The following ANKFN1 variants were observed in gnomAD, a reference collection of about 807,000 sequenced individuals.
The protein encoded by ANKFN1 is ankyrin repeat and fibronectin type III domain containing 1, also known as ankyrin repeat and fibronectin type-III domain-containing protein 1.
Under a neutral mutation model 108.7 loss-of-function variants are expected in ANKFN1, and 74 were observed. The observed-to-expected ratio is 0.68, with a 90% CI of 0.56 to 0.83. The LOEUF (loss-of-function observed/expected upper bound fraction) is 0.83. ANKFN1 is among the 40% of genes least tolerant of loss of function. ANKFN1 has a pLI of 0.00. For synonymous variants in ANKFN1, 547 were observed against 516.2 expected (o/e 1.06, Z -0.81); for missense variants, 1,505 against 1,382.3 (o/e 1.09, Z -1.41).
intron 1 of ANKFN1, among the ~76,000 whole-genome samples, chr17:56,156,821 C>T (rs1485644856): frequency 3.3e-5 from 5 of 152,318 alleles, no homozygotes; most frequent in Admixed American, 2.0e-4. Flanking sequence ...TATTTGAACA[C>T]AGCCATGCTC....
At chr17:56,047,941 A>G (rs9303381) in intron 4 of ANKFN1, among the ~76,000 whole-genome samples, 112,018 of 152,170 alleles carry the variant, frequency 0.74, 41,240 homozygotes, top group Middle Eastern at 0.84. Flanking sequence ...CTATTAATGC[A>G]TTGCAGAAAC....
At chr17:56,481,082 CAAAA>C (rs11439875) in intron 17 of ANKFN1, among the ~76,000 whole-genome samples, 6 of 65,876 alleles carry the variant, frequency 9.1e-5, no homozygotes, top group Admixed American at 1.9e-4. Flanking sequence ...GTCTGGTCAG[CAAAA>C]AAAAAAAAAA....
At chr17:56,467,810 G>T (rs866013167) in intron 15 of ANKFN1, among the ~76,000 whole-genome samples, 1 of 36,716 alleles carries the variant, frequency 2.7e-5, no homozygotes, top group Non-Finnish European at 5.1e-5. Flanking sequence ...AAGAAAGAAA[G>T]AAAGAAAGAA....
chr17:56,185,321 G>T (rs1314120511), intron 1 of ANKFN1, among the ~76,000 whole-genome samples: 1 of 152,154 alleles, frequency 6.6e-6, no homozygotes, highest in East Asian at 1.9e-4. Flanking sequence ...GAATTTACTG[G>T]CAATTGGAAA....
chr17:56,382,400 G>A (rs971857896), intron 8 of ANKFN1, among the ~76,000 whole-genome samples: 2 of 152,278 alleles, frequency 1.3e-5, no homozygotes, highest in African/African-American at 4.8e-5. Flanking sequence ...GACCATCGAG[G>A]CTAGGAAGAA....
chr17:56,277,412 T>C (rs962462194), intron 3 of ANKFN1, among the ~76,000 whole-genome samples: 1 of 152,122 alleles, frequency 6.6e-6, no homozygotes, highest in Admixed American at 6.6e-5. Flanking sequence ...TACAGAGTTA[T>C]CCTGTAGTAG....
chr17:56,302,625 CA>C (rs976354841), intron 3 of ANKFN1, among the ~76,000 whole-genome samples: 19 of 151,924 alleles, frequency 1.3e-4, no homozygotes, highest in African/African-American at 4.6e-4. Flanking sequence ...GAAACCCATT[CA>C]AACTTAAAGA....
chr17:56,283,000 T>C (rs556366142), intron 3 of ANKFN1, among the ~76,000 whole-genome samples: 2 of 152,314 alleles, frequency 1.3e-5, no homozygotes, highest in East Asian at 1.9e-4. Flanking sequence ...GGTTCAGGGG[T>C]ACATGTGCAG....
chr17:56,222,912 C>A (rs1185384611), intron 2 of ANKFN1, among the ~76,000 whole-genome samples: 1 of 152,162 alleles, frequency 6.6e-6, no homozygotes. Flanking sequence ...GTTCAAAATG[C>A]TTGGTCATTA....
chr17:56,376,448 G>A (rs1299568862), intron 8 of ANKFN1, among the ~76,000 whole-genome samples: 2 of 152,094 alleles, frequency 1.3e-5, no homozygotes, highest in Non-Finnish European at 2.9e-5. Flanking sequence ...CCTTTTCTTG[G>A]TTGTCTCATC....
At chr17:56,125,577 A>G (rs540084499) in intron 4 of ANKFN1, among the ~76,000 whole-genome samples, 5 of 152,218 alleles carry the variant, frequency 3.3e-5, no homozygotes, top group Non-Finnish European at 7.3e-5. Flanking sequence ...CCATGTGCTC[A>G]TTTTATCCTC....
intron 15 of ANKFN1, chr17:56,472,768 A>T (rs2050364484): frequency 6.6e-6 from 1 of 152,238 alleles, no homozygotes; most frequent in African/African-American, 2.4e-5. Context: ...CAGACAAAGC[A>T]GCTATTAATT....
At chr17:56,436,814 G>A (rs918745014) in intron 8 of ANKFN1, among the ~76,000 whole-genome samples, 19 of 146,162 alleles carry the variant, frequency 1.3e-4, no homozygotes, top group African/African-American at 4.9e-4. Flanking sequence ...TCCAGCCTAG[G>A]CAACAAGAGC....
chr17:56,234,772 T>C (rs1454505787), intron 3 of ANKFN1, among the ~76,000 whole-genome samples: 1 of 152,228 alleles, frequency 6.6e-6, no homozygotes, highest in East Asian at 1.9e-4. Context: ...TTTAGGTTGA[T>C]TCCATATAAT....
At chr17:56,215,509 T>C (rs146589780) in intron 2 of ANKFN1, among the ~76,000 whole-genome samples, 2 of 152,070 alleles carry the variant, frequency 1.3e-5, no homozygotes, top group Admixed American at 6.5e-5. Flanking sequence ...AACAGGAAGA[T>C]GGAGGGGCAT....
chr17:56,053,293 C>T (rs1015677071), intron 4 of ANKFN1, among the ~76,000 whole-genome samples: 1 of 152,128 alleles, frequency 6.6e-6, no homozygotes, highest in South Asian at 2.1e-4. Context: ...ATCCCCCACC[C>T]CACCTCACTA....
At chr17:56,247,420 C>A (rs181638371) in intron 3 of ANKFN1, among the ~76,000 whole-genome samples, 1 of 152,138 alleles carries the variant, frequency 6.6e-6, no homozygotes, top group African/African-American at 2.4e-5. Context: ...GGGCTAACAA[C>A]CCTAGGTAAA....
chr17:56,278,487 CT>C (rs1375688228), intron 3 of ANKFN1, among the ~76,000 whole-genome samples: 2 of 152,170 alleles, frequency 1.3e-5, no homozygotes, highest in East Asian at 3.8e-4. Context: ...CAAAAGTAAA[CT>C]TCAAAATGTT....
At chr17:56,179,320 T>A (rs926323990) in intron 1 of ANKFN1, among the ~76,000 whole-genome samples, 2 of 152,138 alleles carry the variant, frequency 1.3e-5, no homozygotes, top group African/African-American at 2.4e-5. Flanking sequence ...GAAAACAAAC[T>A]CTCCTGTGTT....
Sources: gnomAD v4.1 joint callset for allele counts (sites outside exome capture counted in the v4.1 genomes callset) on GRCh38, gnomAD v4.1.1 for gene constraint, MANE v1.5 for transcripts, NCBI Gene and HGNC (gene_info 2026-07-23, HGNC 2026-07-21) for gene names.